ZSWIM5: variants seen among roughly 807,000 people sequenced by gnomAD.
The protein encoded by ZSWIM5 is zinc finger SWIM-type containing 5.
Under a neutral mutation model 119.6 loss-of-function variants are expected in ZSWIM5, and 55 were observed. The ratio of observed to expected loss-of-function variants is 0.46; its 90% CI spans 0.37 to 0.58. The LOEUF is 0.58. Ranked by LOEUF, ZSWIM5 falls within the 20% of genes least tolerant of loss-of-function variation. The pLI is 0.00. For synonymous variants in ZSWIM5, 537 were observed against 606.9 expected (o/e 0.88, Z 1.69); for missense variants, 1,193 against 1,512.8 (o/e 0.79, Z 3.51).
chr1:45,109,943 C>T (rs898539738), intron 1 of ZSWIM5, among the ~76,000 whole-genome samples: 1 of 152,056 alleles, frequency 6.6e-6, no homozygotes, highest in South Asian at 2.1e-4. Flanking sequence ...CAGCTCACTG[C>T]ACTCTCAATC....
rs1291763832 is a variant in ZSWIM5 at position 45,016,559 on chromosome 1, G to C, written c.*1895C>G. 1 of 152,138 alleles carries C rather than the reference G, an allele frequency of 6.6e-6. No homozygotes were observed. Among genetic ancestry groups the C allele is most frequent in the African/African-American group, 2.4e-5 (1 of 41,426 alleles). The allele number at this position is 152,138 out of a possible 1,614,324, so 9.4% of individuals were successfully genotyped here. A position where few individuals can be genotyped will look rare whatever the true frequency, so the allele number is the denominator to read the frequency against. On this transcript the variant is annotated 3_prime_UTR_variant, in exon 14 of 14. Transcript: ENST00000359600. ...ATTGGGCTGAGACGTAGGGGCCCTT[G>C]GCTGGACAGTAAGACTTGAGTAGCC... is the stretch of plus-strand genomic sequence containing the variant.
At chr1:45,098,088 G>GAGAC (rs889259809) in intron 1 of ZSWIM5, among the ~76,000 whole-genome samples, 37 of 152,264 alleles carry the variant, frequency 2.4e-4, no homozygotes, top group African/African-American at 3.6e-4. Flanking sequence ...AGGCAAGAGA[G>GAGAC]AGACAGACAG....
intron 1 of ZSWIM5, among the ~76,000 whole-genome samples, chr1:45,098,127 G>A (rs1645415988): frequency 1.3e-5 from 2 of 152,154 alleles, no homozygotes; most frequent in Admixed American, 6.6e-5. Flanking sequence ...AGACACATAT[G>A]CAGAAGTGCT....
At position 45,085,524 on chromosome 1, in the gene ZSWIM5, G is replaced by GTTTTTTT. The variant is rs1387910637; in HGVS notation, c.952+2356_952+2357insAAAAAAA. Among the ~76,000 whole-genome samples, 28 of 128,938 alleles carry GTTTTTTT rather than the reference G, an allele frequency of 2.2e-4. 1 individual carries two copies. The highest frequency in any genetic ancestry group is 7.5e-4 in the African/African-American group (26 of 34,598). The allele number at this position is 128,938 out of a possible 152,430, so 84.6% of individuals were successfully genotyped here. ...ATAAGTTCTAGTTTTAGGTTAGTTT[G>GTTTTTTT]TTTGTTTTTTTTTTTTTTTTTTTGC... On this transcript the variant is annotated intron_variant, in intron 2 of 13. Transcript: ENST00000359600.
intron 1 of ZSWIM5, among the ~76,000 whole-genome samples, chr1:45,166,151 A>G (rs1488368468): frequency 2.6e-4 from 39 of 152,008 alleles, no homozygotes; most frequent in African/African-American, 8.9e-4. Flanking sequence ...TGGGATGCAA[A>G]GCTGGTTCAA....
Position 45,051,124 on chromosome 1 carries a change from T to A in ZSWIM5, c.1382A>T (p.Glu461Val). ...CPLEDGNYGH[E>V]LPNITNALPQ... ...AAGTGCATTGGTGATGTTGGGCAGC[T>A]CATGTCCATAGTTTCCATCCTCCAG... Residue 461 changes from glutamate to valine, a missense_variant, in exon 5 of 14, where the codon GAG becomes GTG. Glu to Val is a moderately radical substitution (Grantham distance 121). Around this residue, in one of 2 missense-constraint regions of ZSWIM5, gnomAD observed 961 missense variants for 1,290.0 expected, o/e 0.74. Coordinates refer to ENST00000359600, the MANE Select transcript of ZSWIM5 (RefSeq NM_020883.2). 4 of 1,614,216 alleles carry A rather than the reference T, an allele frequency of 2.5e-6. No homozygotes were observed. The highest frequency in any genetic ancestry group is 3.4e-6 in the Non-Finnish European group (4 of 1,180,034).
intron 2 of ZSWIM5, among the ~76,000 whole-genome samples, chr1:45,080,771 C>A (rs954843309): frequency 6.6e-5 from 10 of 152,070 alleles, no homozygotes; most frequent in African/African-American, 2.4e-4. Context: ...GAAGTCCTGG[C>A]CAGGATGCTG....
rs1334108639 is a variant in ZSWIM5 at position 45,018,546 on chromosome 1, G to A, written c.3466C>T (p.His1156Tyr). The A allele has an allele frequency of 1.9e-6, 3 of 1,614,194 alleles. No homozygotes were observed. Among genetic ancestry groups the A allele is most frequent in the Non-Finnish European group, 2.5e-6 (3 of 1,180,024 alleles). The change falls in exon 14 of 14, where the codon CAC becomes TAC. Residue 1156 changes from histidine to tyrosine, a missense_variant. Transcript: ENST00000359600. The surrounding 1 kb of genome is among the most constrained non-coding windows in gnomAD (Gnocchi z 6.7). ...TCGATGAACTGGGCAAACTGCAGGTGGCCATCCTGGGGCAGCAGGAAGGTC... is the reference window on the plus strand; with the variant it reads ...TCGATGAACTGGGCAAACTGCAGGTAGCCATCCTGGGGCAGCAGGAAGGTC... ...RETFLLPQDGHLQFAQFIDNL... is the reference protein window; with the variant it reads ...RETFLLPQDGYLQFAQFIDNL...
intron 11 of ZSWIM5, among the ~76,000 whole-genome samples, chr1:45,030,909 T>C (rs1343393845): frequency 2.0e-5 from 3 of 150,188 alleles, no homozygotes; most frequent in Non-Finnish European, 4.4e-5. Context: ...CAATTCTCCC[T>C]GCCTCAGCCT....
intron 5 of ZSWIM5, among the ~76,000 whole-genome samples, chr1:45,050,073 G>A (rs1364503156): frequency 1.3e-5 from 2 of 152,184 alleles, no homozygotes; most frequent in Non-Finnish European, 2.9e-5. Flanking sequence ...AAAAGGAACT[G>A]CCAGGCGCAG....
chr1:45,069,804 C>G (rs766236894), intron 2 of ZSWIM5, among the ~76,000 whole-genome samples: 2 of 152,134 alleles, frequency 1.3e-5, no homozygotes, highest in Non-Finnish European at 2.9e-5. Context: ...TCTTTAATAC[C>G]AAGAATAAAT....
intron 1 of ZSWIM5, among the ~76,000 whole-genome samples, chr1:45,174,126 TTAGCCAAGTATGGTGTCA>T (rs1328890441): frequency 1.3e-5 from 2 of 151,616 alleles, no homozygotes; most frequent in Admixed American, 1.3e-4. Context: ...AATATAAAAA[TTAGCCAAGTATGGTGTCA>T]TACACCTGTA....
chr1:45,080,140 AG>A (rs1304117702), intron 2 of ZSWIM5, among the ~76,000 whole-genome samples: 1 of 152,186 alleles, frequency 6.6e-6, no homozygotes, highest in African/African-American at 2.4e-5. Flanking sequence ...CTGGTGTCTC[AG>A]TAGGTCACAT....
intron 4 of ZSWIM5, 122 bp from the exon 5 acceptor site, chr1:45,051,375 T>A: frequency 9.3e-7 from 1 of 1,077,156 alleles, no homozygotes. Context: ...TTTCTTAATA[T>A]AAAAAACTTG....
At chr1:45,130,224 A>G (rs959722379) in intron 1 of ZSWIM5, among the ~76,000 whole-genome samples, 6 of 152,326 alleles carry the variant, frequency 3.9e-5, no homozygotes, top group African/African-American at 1.4e-4. Flanking sequence ...TGTAAACTGG[A>G]GTTCGTCAAA....
intron 4 of ZSWIM5, among the ~76,000 whole-genome samples, chr1:45,056,763 G>C (rs549362379): frequency 2.2e-3 from 337 of 152,304 alleles, no homozygotes; most frequent in Non-Finnish European, 4.3e-3. Flanking sequence ...AAACACGTAA[G>C]GGTTGGCCTT....
At chr1:45,056,137 C>G (rs1021932298) in intron 4 of ZSWIM5, among the ~76,000 whole-genome samples, 1 of 152,082 alleles carries the variant, frequency 6.6e-6, no homozygotes, top group African/African-American at 2.4e-5. Context: ...GGAAACCCAA[C>G]TGGAGTGGGC....
intron 11 of ZSWIM5, among the ~76,000 whole-genome samples, chr1:45,029,951 C>T (rs976820897): frequency 6.6e-6 from 1 of 151,832 alleles, no homozygotes; most frequent in African/African-American, 2.4e-5. Context: ...TTTTTTCGAC[C>T]CACCTACCTG....
At chr1:45,194,495 T>C (rs977311932) in intron 1 of ZSWIM5, among the ~76,000 whole-genome samples, 1 of 152,162 alleles carries the variant, frequency 6.6e-6, no homozygotes, top group Non-Finnish European at 1.5e-5. Flanking sequence ...TCTTGTCATC[T>C]TCCTTCCTAC....
Sources: gnomAD v4.1 joint callset for allele counts (sites outside exome capture counted in the v4.1 genomes callset) on GRCh38, gnomAD v4.1.1 for gene constraint, gnomAD v4.1.1 regional missense constraint, Gnocchi (gnomAD v3.1) non-coding constraint, MANE v1.5 for transcripts, NCBI Gene and HGNC (gene_info 2026-07-23, HGNC 2026-07-21) for gene names.